DAB1: variants seen among roughly 807,000 people sequenced by gnomAD.
DAB1 encodes disabled homolog 1.
DAB1 carries 15 observed loss-of-function variants against 64.6 expected under a neutral mutation model. The ratio of observed to expected loss-of-function variants is 0.23; its 90% CI spans 0.16 to 0.36. The LOEUF (loss-of-function observed/expected upper bound fraction) is 0.36, where lower values mean the gene tolerates loss of function less well. Ranked by LOEUF, DAB1 falls within the 10% of genes least tolerant of loss-of-function variation. The probability of loss-of-function intolerance (pLI) is 1.00; values close to 1 mark genes in which losing one functional copy is unlikely to be tolerated. For synonymous variants in DAB1, 235 were observed against 251.9 expected (o/e 0.93, Z 0.64); for missense variants, 596 against 706.7 (o/e 0.84, Z 1.78).
At chr1:57,995,176 A>G (rs1322067003) in intron 5 of DAB1, among the ~76,000 whole-genome samples, 3 of 152,200 alleles carry the variant, frequency 2.0e-5, no homozygotes, top group Non-Finnish European at 4.4e-5. Flanking sequence ...AGCTACTTAT[A>G]GGGTACTCAA....
At chr1:58,354,084 T>G (rs1434376491) in intron 3 of DAB1, among the ~76,000 whole-genome samples, 1 of 152,162 alleles carries the variant, frequency 6.6e-6, no homozygotes, top group East Asian at 1.9e-4. Flanking sequence ...CTGATACCTC[T>G]GGTAGCTCAT....
At chr1:57,675,628 G>A (rs965640359) in intron 6 of DAB1, among the ~76,000 whole-genome samples, 2 of 152,122 alleles carry the variant, frequency 1.3e-5, no homozygotes, top group Non-Finnish European at 2.9e-5. Flanking sequence ...CGCTGCAGTG[G>A]AGTTATTATG....
intron 2 of DAB1, among the ~76,000 whole-genome samples, chr1:58,517,248 G>A (rs1370167533): frequency 6.6e-6 from 1 of 152,164 alleles, no homozygotes; most frequent in East Asian, 1.9e-4. Context: ...GCTAGACAAG[G>A]TGTAAAATCC....
Position 57,134,165 on chromosome 1 carries a change from T to C in DAB1, c.306+2378A>G, listed in dbSNP as rs1488162137. On this transcript the variant is annotated intron_variant, in intron 4 of 14. Transcript: ENST00000371236. ...GAAGGCAGTCCATTTAACTGCCGAC[T>C]GATAGAAAAGCCTTCTTACTGATAA... is the stretch of plus-strand genomic sequence containing the variant. Among the ~76,000 whole-genome samples, 6 of 152,176 alleles carry C rather than the reference T, an allele frequency of 3.9e-5. No individual in the cohort carries two copies. In the South Asian group the frequency reaches 8.3e-4, roughly 21 times the overall value.
chr1:57,676,741 A>G (rs768428847), intron 6 of DAB1, among the ~76,000 whole-genome samples: 5 of 152,174 alleles, frequency 3.3e-5, no homozygotes, highest in Non-Finnish European at 7.3e-5. Context: ...CTGATCTCCA[A>G]ATATGCCATG....
intron 2 of DAB1, among the ~76,000 whole-genome samples, chr1:57,269,491 G>A (rs1670828720): frequency 6.6e-6 from 1 of 152,004 alleles, no homozygotes; most frequent in African/African-American, 2.4e-5. Flanking sequence ...CCCCCTCCCT[G>A]GCCACTCACA....
At chr1:57,835,896 C>T (rs1184699484) in intron 1 of DAB1, among the ~76,000 whole-genome samples, 1 of 152,204 alleles carries the variant, frequency 6.6e-6, no homozygotes, top group Non-Finnish European at 1.5e-5. Context: ...CCATGACGTT[C>T]ATTAACAGCT....
rs185385331 is a variant in DAB1, at chr1:57,731,754, G to A, written n.552-82089C>T. ...CAGGAGGCGGAGGTTGCAGTAAGCC[G>A]AGATCACATCACTGCACTCTAACCT... On this transcript the variant is annotated intron_variant and non_coding_transcript_variant, in intron 6 of 20. Coordinates refer to the DAB1 transcript ENST00000485760. 1.9e-3 allele frequency among the ~76,000 whole-genome samples: 295 copies of A among 151,578 alleles called. 2 individuals carry two copies. The highest frequency in any genetic ancestry group is 6.9e-3 in the African/African-American group (287 of 41,312).
chr1:57,884,818 ATGAG>A (rs1317056576), upstream of DAB1, among the ~76,000 whole-genome samples: 1 of 152,142 alleles, frequency 6.6e-6, no homozygotes, highest in Non-Finnish European at 1.5e-5. Context: ...CCTCACAGTA[ATGAG>A]TGAGTTCTCG....
chr1:58,475,836 C>A (rs1359341783), intron 3 of DAB1, among the ~76,000 whole-genome samples: 1 of 152,100 alleles, frequency 6.6e-6, no homozygotes, highest in African/African-American at 2.4e-5. Context: ...GCCCTTAATA[C>A]TTTCAAGGCT....
At chr1:57,542,363 G>T (rs1392258715) in intron 7 of DAB1, among the ~76,000 whole-genome samples, 1 of 151,442 alleles carries the variant, frequency 6.6e-6, no homozygotes, top group Non-Finnish European at 1.5e-5. Flanking sequence ...CCTGGCAGTG[G>T]GCCACACCCC....
At chr1:57,704,613 T>C (rs1174002489) in intron 6 of DAB1, among the ~76,000 whole-genome samples, 1 of 152,150 alleles carries the variant, frequency 6.6e-6, no homozygotes, top group Non-Finnish European at 1.5e-5. Flanking sequence ...TATTTGGCCT[T>C]TTAGGAAAGT....
chr1:57,200,963 C>A lies in DAB1; in HGVS notation c.68-55534G>T, dbSNP rs529502079. ...CCTAGAGGCAGGTCTACTAGGCATG[C>A]AAATGTTTGTTGAAGGAATAAATGC... On this transcript the variant is annotated intron_variant, in intron 2 of 14. Coordinates refer to ENST00000371236, the MANE Select transcript of DAB1 (RefSeq NM_001365792.1). 2.0e-5 allele frequency among the ~76,000 whole-genome samples: 3 copies of A among 152,282 alleles called. No homozygotes were observed. In the South Asian group the frequency reaches 6.2e-4, roughly 32 times the overall value.
intron 5 of DAB1, among the ~76,000 whole-genome samples, chr1:58,133,075 G>T (rs1318388243): frequency 6.6e-6 from 1 of 152,104 alleles, no homozygotes; most frequent in Non-Finnish European, 1.5e-5. Context: ...ATGTTTCTCT[G>T]TCCCCTTCTT....
At chr1:58,390,562 T>C (rs1644467862) in intron 3 of DAB1, among the ~76,000 whole-genome samples, 1 of 152,170 alleles carries the variant, frequency 6.6e-6, no homozygotes. Context: ...TAACTTACTG[T>C]CTCTCAGATG....
intron 4 of DAB1, among the ~76,000 whole-genome samples, chr1:57,073,921 C>T (rs530406350): frequency 8.5e-5 from 13 of 152,208 alleles, no homozygotes; most frequent in Non-Finnish European, 1.2e-4. Context: ...CTGTCACCCA[C>T]GCTGGAGTGC....
At chr1:57,801,498 T>C (rs1651122826) in intron 6 of DAB1, among the ~76,000 whole-genome samples, 1 of 152,214 alleles carries the variant, frequency 6.6e-6, no homozygotes. Context: ...CTTTGGAATG[T>C]ACTTTTGGAG....
chr1:57,260,298 C>T (rs12119084), intron 2 of DAB1, among the ~76,000 whole-genome samples: 2 of 152,160 alleles, frequency 1.3e-5, no homozygotes, highest in African/African-American at 4.8e-5. Flanking sequence ...GGGTAAAGCC[C>T]TCATTCACTG....
At chr1:58,399,479 C>T (rs982421661) in intron 3 of DAB1, among the ~76,000 whole-genome samples, 1 of 152,080 alleles carries the variant, frequency 6.6e-6, no homozygotes, top group Non-Finnish European at 1.5e-5. Context: ...AGGGAAAGTG[C>T]GATTTTTAGA....
Sources: gnomAD v4.1 joint callset for allele counts (sites outside exome capture counted in the v4.1 genomes callset) on GRCh38, gnomAD v4.1.1 for gene constraint, MANE v1.5 for transcripts, NCBI Gene and HGNC (gene_info 2026-07-23, HGNC 2026-07-21) for gene names.